ZNF462: variants seen among roughly 807,000 people sequenced by gnomAD.
ZNF462 encodes the protein zinc finger protein 462.
ZNF462 carries 10 observed loss-of-function variants against 201.9 expected under a neutral mutation model. That is an observed-to-expected ratio of 0.05 (90% CI 0.03 to 0.08). The LOEUF (loss-of-function observed/expected upper bound fraction) is 0.08, where lower values mean the gene tolerates loss of function less well. Among genes scored for constraint, ZNF462 ranks in the 10% least tolerant of loss-of-function variants. The pLI is 1.00. For synonymous variants in ZNF462, 1,227 were observed against 1,193.3 expected, an observed-to-expected ratio of 1.03 and a Z score of -0.58; for missense variants, 2,523 against 3,168.3, an observed-to-expected ratio of 0.80 and a Z score of 4.89.
At chr9:106,989,029 T>C (rs1476479927) in intron 10 of ZNF462, among the ~76,000 whole-genome samples, 1 of 152,162 alleles carries the variant, frequency 6.6e-6, no homozygotes, top group African/African-American at 2.4e-5. Context: ...TAACCTTTAT[T>C]TCTTTCTCTT....
chr9:106,947,956 A>T (rs1831180389), intron 7 of ZNF462, among the ~76,000 whole-genome samples: 1 of 152,196 alleles, frequency 6.6e-6, no homozygotes, highest in Admixed American at 6.5e-5. Context: ...AGATAATATT[A>T]AGTTAAAAGA....
rs574167271 is a variant in ZNF462, at chr9:106,923,673, A to G, written c.220+70A>G. 29 of 1,512,714 alleles carry G rather than the reference A, an allele frequency of 1.9e-5. No homozygotes were observed. In the South Asian group the frequency reaches 2.8e-4, roughly 15 times the overall value. 93.7% of individuals were successfully genotyped at this position (1,512,714 alleles called of 1,614,324 possible). A position where few individuals can be genotyped will look rare whatever the true frequency, so the allele number is the denominator to read the frequency against. ...TCTTGTTTCCTTTTAGCCTGTAGCC[A>G]TGGTTCTTAATATACGTGGCTTTTG... is the stretch of plus-strand genomic sequence containing the variant. On this transcript the variant is annotated intron_variant, in intron 2 of 12. Transcript: ENST00000277225. The surrounding 1 kb of genome is among the most constrained non-coding windows in gnomAD (Gnocchi z 5.6).
chr9:106,992,776 A>G (rs1051110198), intron 10 of ZNF462, among the ~76,000 whole-genome samples: 3 of 152,086 alleles, frequency 2.0e-5, no homozygotes, highest in Admixed American at 1.3e-4. Flanking sequence ...GAGTGATGAG[A>G]GTGTTCTTAA....
In ZNF462 at chr9:106,913,406, T is replaced by G. The variant is rs1042582014; in HGVS notation, c.-30-9948T>G. Among the ~76,000 whole-genome samples the G allele has an allele frequency of 3.9e-5, 6 of 152,118 alleles. No individual in the cohort carries two copies. The highest frequency in any genetic ancestry group is 3.9e-4 in the Admixed American group (6 of 15,278). ...ATACAGTTAGTACTCATAGCACAAA[T>G]CTCATCAGAGCCAGACTTATGCCGG... On this transcript the variant is annotated intron_variant, in intron 1 of 12. Coordinates refer to ENST00000277225, the MANE Select transcript of ZNF462 (RefSeq NM_021224.6). The surrounding 1 kb of genome is among the most constrained non-coding windows in gnomAD (Gnocchi z 4.1).
chr9:106,951,742 G>C (rs1831358005), intron 7 of ZNF462, among the ~76,000 whole-genome samples: 1 of 152,074 alleles, frequency 6.6e-6, no homozygotes, highest in Admixed American at 6.6e-5. Flanking sequence ...GCCTGTCCAA[G>C]TTCCACCCCA....
rs181964226 is a variant in ZNF462, at chr9:106,889,817, G to A, written c.-31+26462G>A. ...TTACCACCACCACTAGAAGTGGTGC[G>A]TTTTAATGCATTTTATTTGGCTTAT... On this transcript the variant is annotated intron_variant, in intron 1 of 12. Coordinates refer to ENST00000277225, the MANE Select transcript of ZNF462 (RefSeq NM_021224.6). Among the ~76,000 whole-genome samples, 599 of 152,100 alleles carry A rather than the reference G, an allele frequency of 3.9e-3. 4 individuals carry two copies. The highest frequency in any genetic ancestry group is 4.9e-3 in the Non-Finnish European group (331 of 67,990).
Position 106,926,901 on chromosome 9 carries a change from G to A in ZNF462, c.2989G>A (p.Gly997Ser). ...GGCGACTTCCACACCTGTGGCTCGT[G>A]GTGGTGGTTTGCCAGCTACGTTCAA... is the stretch of plus-strand genomic sequence containing the variant. ...NMATSTPVAR[G>S]GGLPATFNKN... The change falls in exon 3 of 13, where the codon GGT (glycine) becomes AGT (serine). Residue 997 changes from glycine to serine, a missense_variant. Physicochemically the swap from Gly to Ser is moderately conservative, Grantham distance 56. This residue lies in a region of ZNF462 where 280 missense variants were observed against 321.3 expected (regional missense o/e 0.87). Coordinates refer to ENST00000277225, the MANE Select transcript of ZNF462 (RefSeq NM_021224.6). This position sits in a 1 kb window ranked among gnomAD's most constrained non-coding sequence, Gnocchi z 7.9. 6.2e-7 allele frequency: 1 copy of A among 1,614,100 alleles called. No individual in the cohort carries two copies. The highest frequency in any genetic ancestry group is 8.5e-7 in the Non-Finnish European group (1 of 1,180,032).
At chr9:106,896,455 A>G (rs1252240013) in intron 1 of ZNF462, among the ~76,000 whole-genome samples, 1 of 152,178 alleles carries the variant, frequency 6.6e-6, no homozygotes, top group African/African-American at 2.4e-5. Context: ...ACTCAACCTC[A>G]TGGCGTCTCA....
At chr9:106,908,930 T>TAC (rs1397918036) in intron 1 of ZNF462, among the ~76,000 whole-genome samples, 2 of 36,630 alleles carry the variant, frequency 5.5e-5, no homozygotes, top group Non-Finnish European at 9.9e-5. Context: ...TATATATATA[T>TAC]ATATATATAT....
At chr9:106,862,546 T>G (rs915296329), upstream of ZNF462, among the ~76,000 whole-genome samples, 4 of 152,030 alleles carry the variant, frequency 2.6e-5, no homozygotes, top group African/African-American at 4.8e-5. This position sits in a 1 kb window ranked among gnomAD's most constrained non-coding sequence, Gnocchi z 4.2. Context: ...CTCCTTTGCC[T>G]CCTTCTCCTT....
intron 1 of ZNF462, among the ~76,000 whole-genome samples, chr9:106,911,685 GAACA>G (rs1383227583): frequency 6.6e-6 from 1 of 152,174 alleles, no homozygotes; most frequent in Non-Finnish European, 1.5e-5. Context: ...GGAAAACCGT[GAACA>G]AACATAGAGA....
intron 7 of ZNF462, among the ~76,000 whole-genome samples, chr9:106,960,723 G>A (rs1005695171): frequency 6.6e-6 from 1 of 152,042 alleles, no homozygotes; most frequent in African/African-American, 2.4e-5. Flanking sequence ...GTTTCAAGGA[G>A]GGTTTTTAAG....
rs1340387330 is a variant in ZNF462 at position 106,926,422 on chromosome 9, G to C, written c.2510G>C (p.Gly837Ala). Residue 837 changes from glycine to alanine, a missense_variant, in exon 3 of 13, where the codon GGT (glycine) becomes GCT (alanine). Physicochemically the swap from Gly to Ala is moderately conservative, Grantham distance 60. Transcript: ENST00000277225. This position sits in a 1 kb window ranked among gnomAD's most constrained non-coding sequence, Gnocchi z 7.9. The stretch of plus-strand genomic sequence containing the variant: ...CACAATAGTGAAAACACAGACTTTG[G>C]TGACTCTGGAAGGCTTTACTATTGT... The part of the protein sequence containing the change: ...TEHNSENTDF[G>A]DSGRLYYCKH... 6.2e-7 allele frequency: 1 copy of C among 1,614,140 alleles called. No homozygotes were observed.
Position 107,006,958 on chromosome 9 carries a change from C to T in ZNF462, c.7190-2587C>T, listed in dbSNP as rs10117830. Among the ~76,000 whole-genome samples, 39,842 of 151,962 alleles carry T rather than the reference C, an allele frequency of 0.26. 9,588 individuals are homozygous for T. The highest frequency in any genetic ancestry group is 0.65 in the African/African-American group (26,720 of 41,382). On this transcript the variant is annotated intron_variant, in intron 11 of 12. Coordinates refer to ENST00000277225, the MANE Select transcript of ZNF462 (RefSeq NM_021224.6). The surrounding 1 kb of genome is among the most constrained non-coding windows in gnomAD (Gnocchi z 4.3). ...GTGATCGGAGAAGCATGGCTTCTTT[C>T]TTTTTTCTTTTTCAAACCATTTCAT...
Position 106,928,251 on chromosome 9 carries a change from G to A in ZNF462, c.4339G>A (p.Asp1447Asn). The change falls in exon 3 of 13, where the codon GAT (aspartate) becomes AAT (asparagine). Residue 1447 changes from aspartate (D) to asparagine (N), a missense_variant. Asp to Asn is a conservative substitution (Grantham distance 23, BLOSUM62 1). Coordinates refer to ENST00000277225, the MANE Select transcript of ZNF462 (RefSeq NM_021224.6). This position sits in a 1 kb window ranked among gnomAD's most constrained non-coding sequence, Gnocchi z 9.3. ...GGAGCAGGAAGCTGAATGTCCAGAG[G>A]ATGCAAGACTGTCCCCTGAGAAAAG... is the stretch of plus-strand genomic sequence containing the variant. ...FPEQEAECPEDARLSPEKSLQ... is the reference protein window; with the variant it reads ...FPEQEAECPENARLSPEKSLQ... 1 of 1,613,922 alleles carries A rather than the reference G, an allele frequency of 6.2e-7. No individual in the cohort carries two copies. Among genetic ancestry groups the A allele is most frequent in the South Asian group, 1.1e-5 (1 of 91,064 alleles).
Position 106,954,813 on chromosome 9 carries a change from A to G in ZNF462, c.6427+15706A>G, listed in dbSNP as rs957460200. ...GCTGTGCCCTACCTCTCTTAAGAAC[A>G]TGTAGTTCAGTCTACTGACTCCATA... On this transcript the variant is annotated intron_variant, in intron 7 of 12. Coordinates refer to ENST00000277225, the MANE Select transcript of ZNF462 (RefSeq NM_021224.6). This position sits in a 1 kb window ranked among gnomAD's most constrained non-coding sequence, Gnocchi z 4.0. Among the ~76,000 whole-genome samples, 10 of 152,270 alleles carry G rather than the reference A, an allele frequency of 6.6e-5. No homozygotes were observed. The highest frequency in any genetic ancestry group is 1.9e-4 in the African/African-American group (8 of 41,560).
chr9:106,960,597 C>T (rs1297887397), intron 7 of ZNF462, among the ~76,000 whole-genome samples: 1 of 152,096 alleles, frequency 6.6e-6, no homozygotes, highest in African/African-American at 2.4e-5. Context: ...ATTATGCATT[C>T]GGTATTGTGA....
chr9:106,892,676 TCACA>T (rs370233412), intron 1 of ZNF462, among the ~76,000 whole-genome samples: 19 of 147,364 alleles, frequency 1.3e-4, no homozygotes, highest in Non-Finnish European at 1.9e-4. Context: ...AGGCATATAC[TCACA>T]CACACACACA....
At chr9:106,889,989 CT>C in intron 1 of ZNF462, among the ~76,000 whole-genome samples, 1 of 152,334 alleles carries the variant, frequency 6.6e-6, no homozygotes, top group African/African-American at 2.4e-5. Flanking sequence ...GGCATTGATA[CT>C]TACACATATC....
Sources: gnomAD v4.1 joint callset for allele counts (sites outside exome capture counted in the v4.1 genomes callset) on GRCh38, gnomAD v4.1.1 for gene constraint, gnomAD v4.1.1 regional missense constraint, Gnocchi (gnomAD v3.1) non-coding constraint, MANE v1.5 for transcripts, NCBI Gene and HGNC (gene_info 2026-07-23, HGNC 2026-07-21) for gene names.